Variants in NUP153 observed in about 807,000 individuals in gnomAD.
The protein encoded by NUP153 is nucleoporin 153.
In NUP153, 27 loss-of-function variants were observed where a neutral mutation model predicts 134.6. The observed-to-expected ratio is 0.20, with a 90% CI of 0.15 to 0.28. NUP153 has a LOEUF of 0.28. NUP153 is among the 10% of genes least tolerant of loss of function. The probability of loss-of-function intolerance (pLI) is 1.00; values close to 1 mark genes in which losing one functional copy is unlikely to be tolerated. For missense variants in NUP153, 1,821 were observed against 1,731.3 expected (o/e 1.05, Z -0.92); for synonymous variants, 640 against 623.5 (o/e 1.03, Z -0.40).
At chr6:17,665,476 A>C in intron 8 of NUP153, 91 bp from the exon 9 acceptor site, 2 of 970,280 alleles carry the variant, frequency 2.1e-6, no homozygotes, top group South Asian at 3.2e-5. Flanking sequence ...TGACCTAAAG[A>C]CCATGAGTAT....
intron 14 of NUP153, among the ~76,000 whole-genome samples, chr6:17,645,837 A>C (rs756688208): frequency 6.6e-5 from 10 of 152,292 alleles, no homozygotes; most frequent in Middle Eastern, 3.4e-3. Flanking sequence ...TACCATGCCT[A>C]TCTCTCTCAA....
intron 2 of NUP153, 113 bp downstream of exon 2, chr6:17,688,283 C>A (rs1332725006): frequency 3.4e-5 from 24 of 703,620 alleles, no homozygotes; most frequent in Non-Finnish European, 5.5e-5. Context: ...TTATCATCCT[C>A]TTCCCATATG....
At chr6:17,694,714 T>C (rs913343312) in intron 1 of NUP153, among the ~76,000 whole-genome samples, 2 of 150,960 alleles carry the variant, frequency 1.3e-5, no homozygotes, top group African/African-American at 4.9e-5. Flanking sequence ...CACGGTGGCT[T>C]ACTCCTATAA....
Position 17,675,338 on chromosome 6 carries a change from G to A in NUP153, c.614C>T (p.Pro205Leu), listed in dbSNP as rs1388013595. The change falls in exon 4 of 22, where the codon CCA becomes CTA. Residue 205 changes from proline to leucine, a missense_variant. Physicochemically the swap from Pro to Leu is moderately conservative, Grantham distance 98. Transcript: ENST00000262077. This position sits in a 1 kb window ranked among gnomAD's most constrained non-coding sequence, Gnocchi z 4.4. ...DITVSKNTSL[P>L]PLWSPEAERS... ...TTCAGCTTCTGGGGACCACAGAGGT[G>A]GCAATGAAGTGTTCTTTGAAACAGT... 1 of 1,613,804 alleles carries A rather than the reference G, an allele frequency of 6.2e-7. No individual in the cohort carries two copies. The highest frequency in any genetic ancestry group is 1.6e-4 in the Middle Eastern group (1 of 6,062).
intron 11 of NUP153, among the ~76,000 whole-genome samples, chr6:17,655,109 G>GT (rs1217112173): frequency 6.6e-6 from 1 of 152,090 alleles, no homozygotes; most frequent in African/African-American, 2.4e-5. Context: ...TACATGTTTT[G>GT]TATCAATGAG....
rs1233744779 is a variant in NUP153, at chr6:17,629,598, A to C, written c.2660-59T>G. 4.1e-6 allele frequency: 6 copies of C among 1,458,374 alleles called. No homozygotes were observed. The East Asian group carries it at 1.4e-4, about 34-fold the overall frequency. The allele number at this position is 1,458,374 out of a possible 1,614,324, so 90.3% of individuals were successfully genotyped here. On this transcript the variant is annotated intron_variant, in intron 17 of 21. Transcript: ENST00000262077. The stretch of plus-strand genomic sequence containing the variant: ...CAATGTACTGATCCTCTCAAACAAA[A>C]TGTAAACACTGTGAAAGCCAAAGAA...
chr6:17,678,352 C>CAAAAAAAAAAAAAAAAAAAAAAA (rs11428582), intron 2 of NUP153, among the ~76,000 whole-genome samples: 15 of 68,224 alleles, frequency 2.2e-4, no homozygotes, highest in South Asian at 5.6e-4. Context: ...CCCTCTGTCT[C>CAAAAAAAAAAAAAAAAAAAAAAA]AAAAAAAAAA....
In NUP153 at chr6:17,628,283, G is replaced by C. The variant is rs186356307; in HGVS notation, c.3544+372C>G. Among the ~76,000 whole-genome samples the C allele has an allele frequency of 1.1e-4, 16 of 152,166 alleles. No homozygotes were observed. The highest frequency in any genetic ancestry group is 3.9e-4 in the African/African-American group (16 of 41,508). ...TATCTGTAACTATTTGTAAATAAAG[G>C]CCTTCCCATAGATTATGGTAGAAAA... is the stretch of plus-strand genomic sequence containing the variant. On this transcript the variant is annotated intron_variant, in intron 18 of 21. Transcript: ENST00000262077. This position sits in a 1 kb window ranked among gnomAD's most constrained non-coding sequence, Gnocchi z 5.4.
chr6:17,659,296 T>C (rs1199550551), intron 11 of NUP153, among the ~76,000 whole-genome samples: 1 of 152,222 alleles, frequency 6.6e-6, no homozygotes, highest in South Asian at 2.1e-4. Context: ...ATAAGCAAAT[T>C]TATTTCTCGT....
Position 17,616,126 on chromosome 6 carries a change from T to A in NUP153, c.4399A>T (p.Ile1467Leu). ...TTCCTGCGTCTAACAGCAGTCTTTA[T>A]CTTGCGACCAGAGAATGAAGTTCCA... Reference protein sequence around the residue: ...SSGTSFSGRKIKTAVRRRK With the variant: ...SSGTSFSGRKLKTAVRRRK The change falls in exon 22 of 22, where the codon ATA (isoleucine) becomes TTA (leucine). Residue 1467 changes from isoleucine (I) to leucine (L), a missense_variant. By Grantham distance (5) the Ile-to-Leu change is conservative. Coordinates refer to ENST00000262077, the MANE Select transcript of NUP153 (RefSeq NM_005124.4). The A allele has an allele frequency of 6.2e-7, 1 of 1,613,954 alleles. No homozygotes were observed. Among genetic ancestry groups the A allele is most frequent in the Non-Finnish European group, 8.5e-7 (1 of 1,179,818 alleles).
intron 17 of NUP153, among the ~76,000 whole-genome samples, chr6:17,631,574 A>G (rs1236376535): frequency 1.3e-5 from 2 of 152,216 alleles, no homozygotes; most frequent in Non-Finnish European, 2.9e-5. Flanking sequence ...GCTACAACTT[A>G]TAAGTAAGAA....
intron 5 of NUP153, among the ~76,000 whole-genome samples, chr6:17,672,293 G>A (rs1175433365): frequency 6.6e-6 from 1 of 152,152 alleles, no homozygotes; most frequent in Non-Finnish European, 1.5e-5. Flanking sequence ...CAACAAAGGT[G>A]CAGGCCAGGC....
At chr6:17,697,088 T>A (rs1203433529) in intron 1 of NUP153, among the ~76,000 whole-genome samples, 9 of 151,730 alleles carry the variant, frequency 5.9e-5, no homozygotes, top group Non-Finnish European at 8.8e-5. Context: ...AAAAAATTAA[T>A]CTTAAAAAAT....
At chr6:17,644,656 A>C (rs1766045677) in intron 14 of NUP153, among the ~76,000 whole-genome samples, 1 of 152,138 alleles carries the variant, frequency 6.6e-6, no homozygotes, top group Non-Finnish European at 1.5e-5. Flanking sequence ...TAAAAAAACA[A>C]ATTCGGCCAG....
In NUP153 at chr6:17,680,729, C is replaced by T. The variant is rs1271010769; in HGVS notation, c.335-4959G>A. Among the ~76,000 whole-genome samples the T allele has an allele frequency of 1.3e-5, 2 of 152,162 alleles. No individual in the cohort carries two copies. Among genetic ancestry groups the T allele is most frequent in the African/African-American group, 4.8e-5 (2 of 41,446 alleles). On this transcript the variant is annotated intron_variant, in intron 2 of 21. Transcript: ENST00000262077. The surrounding 1 kb of genome is among the most constrained non-coding windows in gnomAD (Gnocchi z 4.5). ...ATTAATATCCAGAACATAAAAAGTA[C>T]TCCAACCCCCAGTGAAAATGGCTTT...
intron 5 of NUP153, among the ~76,000 whole-genome samples, chr6:17,672,660 G>A (rs1197553851): frequency 1.3e-5 from 2 of 151,920 alleles, no homozygotes; most frequent in African/African-American, 2.4e-5. Context: ...TAGAACAATT[G>A]CACACCCATA....
At chr6:17,674,427 GA>G (rs1418263828) in intron 5 of NUP153, among the ~76,000 whole-genome samples, 7 of 151,940 alleles carry the variant, frequency 4.6e-5, no homozygotes, top group Admixed American at 6.6e-5. Flanking sequence ...TACCCTAAAT[GA>G]AAAAAATATA....
Position 17,706,507 on chromosome 6 carries a change from C to T in NUP153, c.-120G>A, listed in dbSNP as rs1041631472. The T allele has an allele frequency of 1.4e-6, 1 of 694,500 alleles. No homozygotes were observed. 43.0% of individuals were successfully genotyped at this position (694,500 alleles called of 1,614,324 possible). ...CGGCCCAAAAGTCCGCCCGCGCTGT[C>T]CACACAGTGGGCACAAGCACCCCAG... On this transcript the variant is annotated 5_prime_UTR_variant, in exon 1 of 22. Coordinates refer to ENST00000262077, the MANE Select transcript of NUP153 (RefSeq NM_005124.4). The surrounding 1 kb of genome is among the most constrained non-coding windows in gnomAD (Gnocchi z 5.9).
chr6:17,704,914 C>G (rs1238165059), intron 1 of NUP153, among the ~76,000 whole-genome samples: 1 of 152,132 alleles, frequency 6.6e-6, no homozygotes, highest in Non-Finnish European at 1.5e-5. Flanking sequence ...CGCCTGCCAC[C>G]ACGCCCGGCT....
Sources: gnomAD v4.1 joint callset for allele counts (sites outside exome capture counted in the v4.1 genomes callset) on GRCh38, gnomAD v4.1.1 for gene constraint, Gnocchi (gnomAD v3.1) non-coding constraint, MANE v1.5 for transcripts, NCBI Gene and HGNC (gene_info 2026-07-23, HGNC 2026-07-21) for gene names.